The following UST variants were observed in gnomAD, a reference collection of about 807,000 sequenced individuals.
The protein encoded by UST is uronyl 2-sulfotransferase.
UST carries 21 observed loss-of-function variants against 45.6 expected under a neutral mutation model. The observed-to-expected ratio is 0.46, with a 90% confidence interval of 0.33 to 0.66. UST has a LOEUF of 0.66. Among genes scored for constraint, UST ranks in the 30% least tolerant of loss-of-function variants. The pLI is 0.02. For synonymous variants in UST, 215 were observed against 200.6 expected (o/e 1.07, Z -0.61); for missense variants, 463 against 512.4 (o/e 0.90, Z 0.93).
chr6:148,794,888 C>A (rs1174609905), intron 1 of UST, among the ~76,000 whole-genome samples: 2 of 152,208 alleles, frequency 1.3e-5, no homozygotes, highest in African/African-American at 4.8e-5. Flanking sequence ...TTAAACACTC[C>A]TTTTCGTCTC....
Position 148,922,862 on chromosome 6 carries a change from G to A in UST, c.292-18417G>A, listed in dbSNP as rs374963926. 7.3e-5 allele frequency among the ~76,000 whole-genome samples: 11 copies of A among 151,572 alleles called. No individual in the cohort carries two copies. The East Asian group carries it at 7.8e-4, about 11-fold the overall frequency. On this transcript the variant is annotated intron_variant, in intron 2 of 7. Coordinates refer to ENST00000367463, the MANE Select transcript of UST (RefSeq NM_005715.3). ...GGCTGGAGTGCAGTGGCACGATCTC[G>A]GCTTACTGCAACCTCCACCTCCCAG...
intron 1 of UST, among the ~76,000 whole-genome samples, chr6:148,812,670 G>A (rs919831153): frequency 3.9e-5 from 6 of 152,208 alleles, no homozygotes; most frequent in Non-Finnish European, 8.8e-5. Flanking sequence ...TCATGACATG[G>A]TAGCTGACTT....
At chr6:148,781,597 A>C (rs1291609531) in intron 1 of UST, among the ~76,000 whole-genome samples, 1 of 97,676 alleles carries the variant, frequency 1.0e-5, no homozygotes, top group Non-Finnish European at 2.2e-5. Context: ...GAAGGCAGCT[A>C]CACTAAACAA....
At chr6:148,967,055 A>T (rs778619378) in intron 5 of UST, among the ~76,000 whole-genome samples, 17 of 152,142 alleles carry the variant, frequency 1.1e-4, no homozygotes, top group Non-Finnish European at 2.2e-4. Context: ...GAGTTTTTTT[A>T]AAAAGGTCAT....
chr6:148,891,002 T>C (rs1779008031), intron 2 of UST, among the ~76,000 whole-genome samples: 1 of 152,200 alleles, frequency 6.6e-6, no homozygotes, highest in South Asian at 2.1e-4. Context: ...GAGACAAGCC[T>C]GGAAAGGGTA....
At chr6:148,816,878 G>T (rs1777366091) in intron 1 of UST, among the ~76,000 whole-genome samples, 1 of 151,986 alleles carries the variant, frequency 6.6e-6, no homozygotes, top group African/African-American at 2.4e-5. Flanking sequence ...CTTTCTATTT[G>T]GATAATAGAG....
rs542394517 is a variant in UST, at chr6:148,748,508, G to C, written c.247+831G>C. Among the ~76,000 whole-genome samples, 2 of 151,748 alleles carry C rather than the reference G, an allele frequency of 1.3e-5. No individual in the cohort carries two copies. The highest frequency in any genetic ancestry group is 1.9e-4 in the East Asian group (1 of 5,166). On this transcript the variant is annotated intron_variant, in intron 1 of 7. Coordinates refer to ENST00000367463, the MANE Select transcript of UST (RefSeq NM_005715.3). The surrounding 1 kb of genome is among the most constrained non-coding windows in gnomAD (Gnocchi z 5.3). Reference sequence around the variant, plus strand: ...AGCAGAAGTAAGGAAGGGGTTTGACGGGAGGGAAAGAGCCGCTCCAGCGAG... The same window carrying C: ...AGCAGAAGTAAGGAAGGGGTTTGACCGGAGGGAAAGAGCCGCTCCAGCGAG...
chr6:148,907,644 T>A (rs949882383), intron 2 of UST, among the ~76,000 whole-genome samples: 4 of 152,172 alleles, frequency 2.6e-5, no homozygotes, highest in African/African-American at 9.7e-5. Flanking sequence ...TGGCCTTCAG[T>A]CATTTCTTTG....
At chr6:148,896,447 T>C (rs1403535194) in intron 2 of UST, among the ~76,000 whole-genome samples, 2 of 152,210 alleles carry the variant, frequency 1.3e-5, no homozygotes, top group African/African-American at 4.8e-5. Context: ...TTGCTGCTGC[T>C]AAGAGGGTGC....
At chr6:148,799,108 G>T (rs2114714071) in intron 1 of UST, among the ~76,000 whole-genome samples, 1 of 152,294 alleles carries the variant, frequency 6.6e-6, no homozygotes, top group Non-Finnish European at 1.5e-5. Context: ...GACCTCAGGT[G>T]ATTCACCTGC....
chr6:148,939,765 C>T (rs1257761007), intron 2 of UST, among the ~76,000 whole-genome samples: 2 of 152,110 alleles, frequency 1.3e-5, no homozygotes, highest in African/African-American at 4.8e-5. Context: ...ATAAAACTCT[C>T]AGGAGGAAAC....
intron 7 of UST, among the ~76,000 whole-genome samples, chr6:149,059,163 T>C (rs902833736): frequency 2.0e-5 from 3 of 152,092 alleles, no homozygotes; most frequent in South Asian, 2.1e-4. Flanking sequence ...CTCATTACCC[T>C]CAGCGTGTGT....
At chr6:149,058,415 AAG>A (rs1332075311) in intron 7 of UST, among the ~76,000 whole-genome samples, 2 of 132,332 alleles carry the variant, frequency 1.5e-5, no homozygotes, top group Non-Finnish European at 3.4e-5. Flanking sequence ...GTCTGTGTGT[AAG>A]AGAGGGAGAG....
intron 1 of UST, among the ~76,000 whole-genome samples, chr6:148,879,952 C>CTTTTTTTTTTCTTT (rs1582874251): frequency 5.0e-5 from 6 of 119,856 alleles, no homozygotes; most frequent in South Asian, 2.5e-4. Context: ...TTTTTTTTTT[C>CTTTTTTTTTTCTTT]TTTTTTTTTT....
chr6:148,848,757 G>T (rs901540219), intron 1 of UST, among the ~76,000 whole-genome samples: 4 of 152,008 alleles, frequency 2.6e-5, no homozygotes, highest in African/African-American at 9.7e-5. Context: ...CACAGAGAGA[G>T]AGACATATGA....
intron 2 of UST, among the ~76,000 whole-genome samples, chr6:148,897,765 A>G (rs1779165354): frequency 6.6e-6 from 1 of 152,078 alleles, no homozygotes; most frequent in Non-Finnish European, 1.5e-5. Flanking sequence ...TGTTGGGATT[A>G]TAGGCATGAG....
At chr6:149,030,863 G>T (rs955992336) in intron 7 of UST, among the ~76,000 whole-genome samples, 1 of 152,170 alleles carries the variant, frequency 6.6e-6, no homozygotes, top group East Asian at 1.9e-4. Flanking sequence ...TTCCAGTGGG[G>T]GTTGCGGGGA....
intron 7 of UST, among the ~76,000 whole-genome samples, chr6:149,059,037 A>G (rs1465588633): frequency 1.3e-5 from 2 of 152,252 alleles, no homozygotes; most frequent in East Asian, 3.8e-4. Context: ...CTTGGGGAGA[A>G]AAGAAACATA....
intron 7 of UST, among the ~76,000 whole-genome samples, chr6:149,060,992 T>G (rs1776645626): frequency 6.6e-6 from 1 of 152,156 alleles, no homozygotes; most frequent in South Asian, 2.1e-4. Context: ...AAGTGCAGAT[T>G]GTTAAGGGAA....
Sources: gnomAD v4.1 joint callset for allele counts (sites outside exome capture counted in the v4.1 genomes callset) on GRCh38, gnomAD v4.1.1 for gene constraint, Gnocchi (gnomAD v3.1) non-coding constraint, MANE v1.5 for transcripts, NCBI Gene and HGNC (gene_info 2026-07-23, HGNC 2026-07-21) for gene names.